BIN2: variants seen among roughly 807,000 people sequenced by gnomAD.
BIN2 encodes the protein breast cancer associated protein BRAP1.
In BIN2, 43 loss-of-function variants were observed where a neutral mutation model predicts 67.9. The ratio of observed to expected loss-of-function variants is 0.63; its 90% CI spans 0.50 to 0.82. The LOEUF (loss-of-function observed/expected upper bound fraction) is 0.82, where lower values mean the gene tolerates loss of function less well. Among genes scored for constraint, BIN2 ranks in the 40% least tolerant of loss-of-function variants. The probability of loss-of-function intolerance (pLI) is 0.00; values close to 1 mark genes in which losing one functional copy is unlikely to be tolerated. For synonymous variants in BIN2, 244 were observed against 246.8 expected, an observed-to-expected ratio of 0.99 and a Z score of 0.11; for missense variants, 581 against 671.6, an observed-to-expected ratio of 0.87 and a Z score of 1.49.
intron 9 of BIN2, among the ~76,000 whole-genome samples, chr12:51,294,499 A>G (rs1945479417): frequency 6.6e-6 from 1 of 151,674 alleles, no homozygotes; most frequent in South Asian, 2.1e-4. Context: ...CCCGGGAAGC[A>G]GAGGTTGCAG....
chr12:51,282,184 T>A (rs1456623114), intron 12 of BIN2, among the ~76,000 whole-genome samples: 3 of 152,196 alleles, frequency 2.0e-5, no homozygotes, highest in Non-Finnish European at 4.4e-5. Context: ...CATGGCTCCA[T>A]TTTACATCAC....
intron 2 of BIN2, among the ~76,000 whole-genome samples, chr12:51,305,141 A>T (rs954362181): frequency 6.6e-6 from 1 of 151,688 alleles, no homozygotes; most frequent in African/African-American, 2.4e-5. Context: ...GTTTGAGACC[A>T]GCCTGACCAA....
intron 10 of BIN2, among the ~76,000 whole-genome samples, chr12:51,290,319 T>C (rs1464420382): frequency 6.6e-6 from 1 of 151,392 alleles, no homozygotes; most frequent in African/African-American, 2.4e-5. Context: ...GAGACAGGGT[T>C]TCACCATGTT....
chr12:51,310,806 A>T lies in BIN2; in HGVS notation c.162+3017T>A, dbSNP rs565063960. Reference sequence around the variant, plus strand: ...GATAGGGTCTCACTTTGTCACCCAGACTGGAGTGCAGTGGCACAAACAAAG... The same window carrying T: ...GATAGGGTCTCACTTTGTCACCCAGTCTGGAGTGCAGTGGCACAAACAAAG... On this transcript the variant is annotated intron_variant, in intron 2 of 12. Transcript: ENST00000615107. Among the ~76,000 whole-genome samples, 10 of 152,206 alleles carry T rather than the reference A, an allele frequency of 6.6e-5. No individual in the cohort carries two copies. In the South Asian group the frequency reaches 2.1e-3, roughly 32 times the overall value.
chr12:51,302,317 A>G (rs1213646188), intron 4 of BIN2: 2 of 558,392 alleles, frequency 3.6e-6, no homozygotes, highest in East Asian at 6.1e-5. Flanking sequence ...CTGAACATAC[A>G]TTCAGAGATT....
intron 7 of BIN2, among the ~76,000 whole-genome samples, chr12:51,298,689 C>T (rs1478523852): frequency 1.3e-5 from 2 of 152,040 alleles, no homozygotes; most frequent in Admixed American, 6.6e-5. Flanking sequence ...ATAAAATATT[C>T]TGACCATAAT....
chr12:51,312,192 T>C (rs1359409566), intron 2 of BIN2, among the ~76,000 whole-genome samples: 3 of 152,222 alleles, frequency 2.0e-5, no homozygotes, highest in Non-Finnish European at 4.4e-5. Flanking sequence ...TTCTCATGCT[T>C]ATTTGCCTGA....
At chr12:51,314,076 C>T (rs1479973495) in intron 1 of BIN2, among the ~76,000 whole-genome samples, 173 bp from the exon 2 acceptor site, 5 of 151,644 alleles carry the variant, frequency 3.3e-5, no homozygotes, top group African/African-American at 1.2e-4. Context: ...GAGACGGAGT[C>T]TCACTCTGTT....
At chr12:51,307,029 A>G (rs1304978197) in intron 2 of BIN2, among the ~76,000 whole-genome samples, 1 of 152,194 alleles carries the variant, frequency 6.6e-6, no homozygotes, top group Non-Finnish European at 1.5e-5. Flanking sequence ...GCACGCCTGT[A>G]ATCCTAGCAC....
chr12:51,300,762 A>G (rs1945701975), intron 5 of BIN2, among the ~76,000 whole-genome samples: 1 of 152,222 alleles, frequency 6.6e-6, no homozygotes, highest in African/African-American at 2.4e-5. Context: ...ATAACATCCA[A>G]GATAAGAAGT....
intron 10 of BIN2, among the ~76,000 whole-genome samples, chr12:51,290,625 C>A (rs1333152114): frequency 1.3e-5 from 2 of 150,450 alleles, no homozygotes; most frequent in East Asian, 4.0e-4. Flanking sequence ...AGGAGTTCGG[C>A]ACCAGCCTGC....
At position 51,284,722 on chromosome 12, in the gene BIN2, T is replaced by C; in HGVS notation, c.1662A>G (p.Gln554=). 6.2e-7 allele frequency: 1 copy of C among 1,609,234 alleles called. No homozygotes were observed. The highest frequency in any genetic ancestry group is 8.5e-7 in the Non-Finnish European group (1 of 1,175,624). ...ENNNLTAPEP[Q]EEVSTSENPQ... is the part of the protein sequence containing the mutation. ...TCTGTATATCTGGTCTTACCTCTTC[T>C]TGAGGTTCAGGTGCTGTGAGGTTGT... The change falls in exon 12 of 13, where the codon CAA becomes CAG. Residue 554 remains glutamine, a synonymous_variant. Transcript: ENST00000615107.
intron 10 of BIN2, among the ~76,000 whole-genome samples, chr12:51,290,040 C>T (rs573397006): frequency 2.3e-3 from 345 of 151,840 alleles, no homozygotes; most frequent in Middle Eastern, 6.8e-3. Flanking sequence ...CTCAGGATTC[C>T]AACTATTGGT....
chr12:51,323,219 G>T (rs1946333194), intron 1 of BIN2: 1 of 152,236 alleles, frequency 6.6e-6, no homozygotes, highest in South Asian at 2.1e-4. Flanking sequence ...GGGTTGGTAG[G>T]TGGAGAGCAG....
chr12:51,315,207 T>A (rs565599202), intron 1 of BIN2, among the ~76,000 whole-genome samples: 2 of 151,908 alleles, frequency 1.3e-5, no homozygotes, highest in Non-Finnish European at 2.9e-5. Flanking sequence ...TCTCGCTCTG[T>A]CGCCCAGGCT....
At chr12:51,307,599 C>T (rs1319928458) in intron 2 of BIN2, among the ~76,000 whole-genome samples, 1 of 151,822 alleles carries the variant, frequency 6.6e-6, no homozygotes, top group East Asian at 1.9e-4. Context: ...ATCCCAGCTA[C>T]TTAGGAGGCT....
At chr12:51,299,100 A>G (rs1592264492) in intron 7 of BIN2, 103 bp downstream of exon 7, 2 of 723,468 alleles carry the variant, frequency 2.8e-6, no homozygotes, top group East Asian at 2.7e-5. Flanking sequence ...GGGGCGGGGC[A>G]GTGTGGGAAT....
chr12:51,315,145 G>T (rs1946088581), intron 1 of BIN2, among the ~76,000 whole-genome samples: 1 of 151,800 alleles, frequency 6.6e-6, no homozygotes, highest in African/African-American at 2.4e-5. Context: ...TGAGCCATTA[G>T]GCTGGCTGGC....
chr12:51,291,709 G>C lies in BIN2; in HGVS notation c.1397C>G (p.Ser466Cys), dbSNP rs1255560567. Residue 466 changes from serine to cysteine, a missense_variant, in exon 10 of 13, where the codon TCT becomes TGT. Coordinates refer to ENST00000615107, the MANE Select transcript of BIN2 (RefSeq NM_016293.4). ...CTTCTCTGGTGGTTCTGGATTAGGAGAGACCTCTAGGGAGGTCCTAGGACT... is the reference window on the plus strand; with the variant it reads ...CTTCTCTGGTGGTTCTGGATTAGGACAGACCTCTAGGGAGGTCCTAGGACT... ...TASPRTSLEV[S>C]PNPEPPEKPV... The C allele has an allele frequency of 6.2e-7, 1 of 1,613,818 alleles. No homozygotes were observed. Among genetic ancestry groups the C allele is most frequent in the Admixed American group, 1.7e-5 (1 of 59,988 alleles).
Sources: allele counts gnomAD v4.1 joint callset (sites outside exome capture counted in the v4.1 genomes callset), GRCh38; gene constraint gnomAD v4.1.1; transcripts MANE v1.5; gene names NCBI Gene and HGNC (gene_info 2026-07-23, HGNC 2026-07-21).